Variants in PCDH17 observed in about 807,000 individuals in gnomAD.
PCDH17 encodes the protein protocadherin 17, also known as protocadherin-17.
Under a neutral mutation model 67.7 loss-of-function variants are expected in PCDH17, and 21 were observed. The ratio of observed to expected loss-of-function variants is 0.31; its 90% confidence interval spans 0.22 to 0.45. PCDH17 has a LOEUF of 0.45. Ranked by LOEUF, PCDH17 falls within the 20% of genes least tolerant of loss-of-function variation. The probability of loss-of-function intolerance (pLI) is 1.00; values close to 1 mark genes in which losing one functional copy is unlikely to be tolerated. For missense variants in PCDH17, 1,471 were observed against 1,564.8 expected (o/e 0.94, Z 1.01); for synonymous variants, 701 against 656.7 (o/e 1.07, Z -1.03).
In PCDH17 at chr13:57,633,188, T is replaced by G; in HGVS notation, c.642T>G (p.Thr214=). 6.2e-7 allele frequency: 1 copy of G among 1,613,206 alleles called. No individual in the cohort carries two copies. Among genetic ancestry groups the G allele is most frequent in the Non-Finnish European group, 8.5e-7 (1 of 1,179,996 alleles). ...EQQNHHTLVL[T]ALDGGEPPRS... is the part of the protein sequence containing the mutation. Reference sequence around the variant, plus strand: ...AGAATCACCATACGCTCGTGCTGACTGCCCTGGACGGTGGCGAGCCTCCAC... The same window carrying G: ...AGAATCACCATACGCTCGTGCTGACGGCCCTGGACGGTGGCGAGCCTCCAC... The change falls in exon 1 of 4, where the codon ACT becomes ACG. Residue 214 remains threonine, a synonymous_variant. Transcript: ENST00000377918. The surrounding 1 kb of genome is among the most constrained non-coding windows in gnomAD (Gnocchi z 6.2).
rs1344216862 is a variant in PCDH17 at position 57,666,750 on chromosome 13, A to C, written c.2714A>C (p.Asn905Thr). Residue 905 changes from asparagine (N) to threonine (T), a missense_variant, in exon 3 of 4, where the codon AAC (asparagine) becomes ACC (threonine). Physicochemically the swap from Asn to Thr is moderately conservative, Grantham distance 65. This residue lies in a region of PCDH17 where 11 missense variants were observed against 36.2 expected (regional missense o/e 0.30). Transcript: ENST00000377918. Reference protein sequence around the residue: ...SDQADSDQDTNKGSCCDMSVR... With the variant: ...SDQADSDQDTTKGSCCDMSVR... ...CAGGCTGACAGTGACCAAGACACTA[A>C]CAAAGGCTCCTGCTGTGACATGTCT... 1.2e-6 allele frequency: 2 copies of C among 1,613,848 alleles called. No individual in the cohort carries two copies.
At chr13:57,636,497 A>G (rs967854810) in intron 1 of PCDH17, among the ~76,000 whole-genome samples, 2 of 152,128 alleles carry the variant, frequency 1.3e-5, no homozygotes, top group African/African-American at 4.8e-5. Flanking sequence ...ATAATAGTAT[A>G]ATGTCCTTGT....
intron 1 of PCDH17, among the ~76,000 whole-genome samples, chr13:57,653,200 A>T (rs1566222262): frequency 6.6e-6 from 1 of 152,182 alleles, no homozygotes. Flanking sequence ...AGATTTAATC[A>T]TAGAACTGGC....
At chr13:57,641,884 C>T (rs1385172964) in intron 1 of PCDH17, among the ~76,000 whole-genome samples, 2 of 151,132 alleles carry the variant, frequency 1.3e-5, no homozygotes, top group Non-Finnish European at 3.0e-5. Context: ...GCTTTGTGAT[C>T]AAAGGATAAA....
Position 57,632,084 on chromosome 13 carries a change from G to C in PCDH17, c.-463G>C, listed in dbSNP as rs1286279222. On this transcript the variant is annotated 5_prime_UTR_variant, in exon 1 of 4. Transcript: ENST00000377918. The stretch of plus-strand genomic sequence containing the variant: ...CTCCCTCCCCCACTCGATGTGAAGA[G>C]TATTCCGGAGTCTCCGGGCGGGAGT... The C allele has an allele frequency of 2.4e-5, 5 of 209,702 alleles. No homozygotes were observed. The highest frequency in any genetic ancestry group is 4.8e-5 in the Non-Finnish European group (5 of 104,178). The allele number at this position is 209,702 out of a possible 1,614,324, so 13.0% of individuals were successfully genotyped here.
intron 3 of PCDH17, among the ~76,000 whole-genome samples, chr13:57,671,878 C>T (rs4337181): frequency 0.84 from 127,992 of 151,988 alleles, 54,212 homozygotes; most frequent in African/African-American, 0.93. Context: ...GGTGGCCGGC[C>T]GTCAGTCCCT....
Position 57,725,785 on chromosome 13 carries a change from A to G in PCDH17, c.*491A>G, listed in dbSNP as rs763380402. 4.6e-4 allele frequency: 71 copies of G among 154,436 alleles called. No homozygotes were observed. The highest frequency in any genetic ancestry group is 8.8e-4 in the Non-Finnish European group (61 of 69,306). 9.6% of individuals were successfully genotyped at this position (154,436 alleles called of 1,614,324 possible). On this transcript the variant is annotated 3_prime_UTR_variant, in exon 4 of 4. Coordinates refer to ENST00000377918, the MANE Select transcript of PCDH17 (RefSeq NM_001040429.3). ...CACAGGCTTCTACTGAAAGTCCTGA[A>G]AAGACCTTGCAGTAGTCCAAGCTAC...
intron 3 of PCDH17, among the ~76,000 whole-genome samples, chr13:57,684,238 C>T (rs921735255): frequency 6.6e-6 from 1 of 151,788 alleles, no homozygotes. Context: ...AAATAAATCT[C>T]CTCCTAGATT....
In PCDH17 at chr13:57,633,016, A is replaced by G; in HGVS notation, c.470A>G (p.His157Arg). 1.2e-6 allele frequency: 2 copies of G among 1,612,958 alleles called. No homozygotes were observed. The highest frequency in any genetic ancestry group is 1.3e-5 in the African/African-American group (1 of 74,994). The change falls in exon 1 of 4, where the codon CAT (histidine) becomes CGT (arginine). Residue 157 changes from histidine to arginine, a missense_variant. His to Arg is a conservative substitution (Grantham distance 29). This residue lies in a region of PCDH17 where 1,163 missense variants were observed against 1,230.0 expected (regional missense o/e 0.95). Transcript: ENST00000377918. This position sits in a 1 kb window ranked among gnomAD's most constrained non-coding sequence, Gnocchi z 6.2. ...ACCCGCTTCCCCCTCACCAGCGCACATGACCCCGACGCCGGCGAGAATGGG... is the reference window on the plus strand; with the variant it reads ...ACCCGCTTCCCCCTCACCAGCGCACGTGACCCCGACGCCGGCGAGAATGGG... ...PGTRFPLTSA[H>R]DPDAGENGLR...
chr13:57,667,965 C>T (rs1955275786), intron 3 of PCDH17, among the ~76,000 whole-genome samples: 1 of 149,654 alleles, frequency 6.7e-6, no homozygotes, highest in Non-Finnish European at 1.5e-5. Flanking sequence ...TATAATTATG[C>T]TGAATTTATT....
intron 3 of PCDH17, among the ~76,000 whole-genome samples, chr13:57,702,116 T>C (rs955277659): frequency 1.3e-5 from 2 of 151,832 alleles, no homozygotes; most frequent in African/African-American, 4.8e-5. Flanking sequence ...CGGGGTTTCA[T>C]CATGTTGGCC....
chr13:57,649,180 T>G lies in PCDH17; in HGVS notation c.2565+14069T>G, dbSNP rs79102174. 1.8e-3 allele frequency among the ~76,000 whole-genome samples: 270 copies of G among 152,270 alleles called. 1 individual carries two copies. Among genetic ancestry groups the G allele is most frequent in the African/African-American group, 6.2e-3 (258 of 41,586 alleles). The stretch of plus-strand genomic sequence containing the variant: ...ACAGCTTTCCCAAATACTTGGAAAC[T>G]TGTTAAGTATGAAGCTGATTATTTT... On this transcript the variant is annotated intron_variant, in intron 1 of 3. Coordinates refer to ENST00000377918, the MANE Select transcript of PCDH17 (RefSeq NM_001040429.3).
At chr13:57,640,626 C>T (rs1300182780) in intron 1 of PCDH17, among the ~76,000 whole-genome samples, 2 of 151,968 alleles carry the variant, frequency 1.3e-5, no homozygotes, top group Admixed American at 6.6e-5. Flanking sequence ...GGACTTAACA[C>T]GTGGCCTTCA....
intron 3 of PCDH17, among the ~76,000 whole-genome samples, chr13:57,679,456 G>C (rs1955427732): frequency 6.6e-6 from 1 of 151,102 alleles, no homozygotes; most frequent in Non-Finnish European, 1.5e-5. Flanking sequence ...AAGTAACCTA[G>C]GCACATGGTA....
Position 57,725,582 on chromosome 13 carries a change from T to G in PCDH17, c.*288T>G, listed in dbSNP as rs1045043976. 2.1e-5 allele frequency: 7 copies of G among 330,404 alleles called. No individual in the cohort carries two copies. The highest frequency in any genetic ancestry group is 4.5e-5 in the Admixed American group (1 of 22,080). 20.5% of individuals were successfully genotyped at this position (330,404 alleles called of 1,614,324 possible). On this transcript the variant is annotated 3_prime_UTR_variant, in exon 4 of 4. Transcript: ENST00000377918. ...AAAAAGGAGAGATGAAAAAGGAGGA[T>G]GAGGAGAAGAATTACCTTTTGACAA...
At chr13:57,636,267 T>C (rs112191445) in intron 1 of PCDH17, among the ~76,000 whole-genome samples, 2 of 152,178 alleles carry the variant, frequency 1.3e-5, no homozygotes, top group Admixed American at 6.5e-5. Flanking sequence ...GAATTCAAAA[T>C]TGAGCTTAAC....
At chr13:57,700,307 A>G (rs891517350) in intron 3 of PCDH17, among the ~76,000 whole-genome samples, 2 of 148,230 alleles carry the variant, frequency 1.3e-5, no homozygotes, top group Non-Finnish European at 3.0e-5. Context: ...ACATAATTAC[A>G]TCTCTCTCTC....
At chr13:57,637,635 G>A (rs990832708) in intron 1 of PCDH17, among the ~76,000 whole-genome samples, 5 of 151,906 alleles carry the variant, frequency 3.3e-5, no homozygotes, top group African/African-American at 1.2e-4. Context: ...AGTGCACTTA[G>A]CCTAACTGCT....
chr13:57,662,494 G>A (rs1259848091), intron 1 of PCDH17, among the ~76,000 whole-genome samples: 1 of 151,980 alleles, frequency 6.6e-6, no homozygotes, highest in Non-Finnish European at 1.5e-5. Flanking sequence ...ATTGATAGGC[G>A]CTATTATAAG....
Sources: allele counts gnomAD v4.1 joint callset (sites outside exome capture counted in the v4.1 genomes callset), GRCh38; gene constraint gnomAD v4.1.1; regional missense constraint gnomAD v4.1.1; non-coding constraint Gnocchi (gnomAD v3.1); transcripts MANE v1.5; gene names NCBI Gene and HGNC (gene_info 2026-07-23, HGNC 2026-07-21).